Variants in ADAMTS18 observed in about 807,000 individuals in gnomAD.
ADAMTS18 encodes the protein ADAM metallopeptidase with thrombospondin type 1 motif 18, also known as A disintegrin and metalloproteinase with thrombospondin motifs 18.
In ADAMTS18, 157 loss-of-function variants were observed where a neutral mutation model predicts 165.9. The ratio of observed to expected loss-of-function variants is 0.95; its 90% CI spans 0.83 to 1.08. ADAMTS18 has a LOEUF of 1.08. ADAMTS18 is among the 50% of genes least tolerant of loss of function. The probability of loss-of-function intolerance (pLI) is 0.00; values close to 1 mark genes in which losing one functional copy is unlikely to be tolerated. For missense variants in ADAMTS18, 2,040 were observed against 1,534.0 expected (o/e 1.33, Z -5.51); for synonymous variants, 782 against 578.2 (o/e 1.35, Z -5.06).
intron 3 of ADAMTS18, among the ~76,000 whole-genome samples, chr16:77,420,751 T>G (rs2057591404): frequency 6.6e-6 from 1 of 152,088 alleles, no homozygotes. Context: ...TTTCCCATTA[T>G]GTCTCTTCAC....
At chr16:77,407,808 T>C (rs904490529) in intron 3 of ADAMTS18, among the ~76,000 whole-genome samples, 8 of 151,988 alleles carry the variant, frequency 5.3e-5, no homozygotes, top group African/African-American at 1.9e-4. Context: ...ATAAACTAAA[T>C]GTAAAGGCAA....
chr16:77,350,663 T>C (rs1313921552), intron 10 of ADAMTS18, among the ~76,000 whole-genome samples: 1 of 152,140 alleles, frequency 6.6e-6, no homozygotes, highest in Non-Finnish European at 1.5e-5. Context: ...CGTTCAAAAT[T>C]GAAGACTGTC....
chr16:77,433,449 CTGAT>C (rs1287333932), intron 2 of ADAMTS18: 5 of 152,244 alleles, frequency 3.3e-5, no homozygotes, highest in Non-Finnish European at 5.9e-5. Flanking sequence ...AGAGTGATCT[CTGAT>C]TGACCACTTC....
chr16:77,315,083 G>A (rs995999613), intron 16 of ADAMTS18, among the ~76,000 whole-genome samples: 4 of 151,796 alleles, frequency 2.6e-5, no homozygotes, highest in Admixed American at 6.6e-5. Context: ...TTCTTCCTTA[G>A]TAAATATTTA....
chr16:77,289,263 C>T lies in ADAMTS18; in HGVS notation c.3550+1G>A, dbSNP rs1315938083. On this transcript the variant is annotated splice_donor_variant, in intron 22 of 22. Coordinates refer to ENST00000282849, the MANE Select transcript of ADAMTS18 (RefSeq NM_199355.4). LOFTEE classifies it high-confidence loss of function. ...TTGACTGGAGCATGGTGCCTTTTTA[C>T]CTCTCTTTTCAGGAGCTGGACAGAA... 9.3e-6 allele frequency: 15 copies of T among 1,613,990 alleles called. No homozygotes were observed. Among genetic ancestry groups the T allele is most frequent in the East Asian group, 2.2e-5 (1 of 44,892 alleles).
chr16:77,314,753 C>CTTATATATATATATATATATATATAT lies in ADAMTS18; in HGVS notation c.2532+5095_2532+5096insATATATATATATATATATATATATAA, dbSNP rs1555511655. On this transcript the variant is annotated intron_variant, in intron 16 of 22. Transcript: ENST00000282849. ...GTTTGCTAAATATGGTCTCAGGTTTCATATATATATATATATATATATATA... is the reference window on the plus strand; with the variant it reads ...GTTTGCTAAATATGGTCTCAGGTTTCTTATATATATATATATATATATATATATATATATATATATATATATATATA... Among the ~76,000 whole-genome samples, 357 of 36,802 alleles carry CTTATATATATATATATATATATATAT rather than the reference C, an allele frequency of 9.7e-3. 79 individuals are homozygous for CTTATATATATATATATATATATATAT. The highest frequency in any genetic ancestry group is 0.012 in the Non-Finnish European group (223 of 18,486). 24.1% of individuals were successfully genotyped at this position (36,802 alleles called of 152,430 possible).
intron 3 of ADAMTS18, among the ~76,000 whole-genome samples, chr16:77,429,777 T>G (rs987690768): frequency 2.0e-5 from 3 of 152,194 alleles, no homozygotes; most frequent in African/African-American, 7.2e-5. Flanking sequence ...TAAATTTTGC[T>G]GAAAATAGAA....
intron 3 of ADAMTS18, among the ~76,000 whole-genome samples, chr16:77,371,458 G>T (rs530029517): frequency 6.6e-5 from 10 of 152,052 alleles, no homozygotes; most frequent in African/African-American, 2.4e-4. Context: ...GAACAGAAGA[G>T]AACCCTGAAA....
chr16:77,355,928 A>C lies in ADAMTS18; in HGVS notation c.1460+12T>G, dbSNP rs1174392636. 6.2e-7 allele frequency: 1 copy of C among 1,613,820 alleles called. No individual in the cohort carries two copies. The highest frequency in any genetic ancestry group is 2.2e-5 in the East Asian group (1 of 44,882). ...CAAACCTAGGAGCACCCCAGGATTT[A>C]ACCTGTCATACCTGAGGAATTTCTT... On this transcript the variant is annotated intron_variant, in intron 9 of 22. Transcript: ENST00000282849.
At chr16:77,289,589 T>C in intron 21 of ADAMTS18, 178 bp from the exon 22 acceptor site, 1 of 718,182 alleles carries the variant, frequency 1.4e-6, no homozygotes, top group Admixed American at 2.4e-5. Flanking sequence ...TGTGATCCCT[T>C]TGATCTGATT....
chr16:77,409,656 G>A (rs888624107), intron 3 of ADAMTS18, among the ~76,000 whole-genome samples: 4 of 152,084 alleles, frequency 2.6e-5, no homozygotes, highest in African/African-American at 9.7e-5. Flanking sequence ...GGCATTTATG[G>A]TGAACCACTC....
At chr16:77,341,651 T>A in intron 11 of ADAMTS18, 53 bp downstream of exon 11, 8 of 1,427,772 alleles carry the variant, frequency 5.6e-6, no homozygotes, top group Non-Finnish European at 7.9e-6. Context: ...ACAGTTTGAA[T>A]TCTATGCCTT....
chr16:77,418,079 A>G (rs1278875139), intron 3 of ADAMTS18, among the ~76,000 whole-genome samples: 1 of 152,186 alleles, frequency 6.6e-6, no homozygotes, highest in Admixed American at 6.5e-5. Flanking sequence ...TTAGAGATCC[A>G]GTCATTTTCA....
chr16:77,403,246 A>T (rs1298709301), intron 3 of ADAMTS18, among the ~76,000 whole-genome samples: 1 of 152,236 alleles, frequency 6.6e-6, no homozygotes, highest in African/African-American at 2.4e-5. Context: ...TAGTCCAGAA[A>T]GAATTTTTTT....
chr16:77,372,414 G>C (rs767459276), intron 3 of ADAMTS18, among the ~76,000 whole-genome samples: 1 of 152,178 alleles, frequency 6.6e-6, no homozygotes, highest in Non-Finnish European at 1.5e-5. Context: ...ATACACAATG[G>C]AATACTATCC....
At chr16:77,344,524 G>A (rs919521352) in intron 10 of ADAMTS18, among the ~76,000 whole-genome samples, 1 of 152,080 alleles carries the variant, frequency 6.6e-6, no homozygotes, top group Non-Finnish European at 1.5e-5. Context: ...AGATAGCACT[G>A]AAATGATTAA....
intron 8 of ADAMTS18, among the ~76,000 whole-genome samples, chr16:77,356,295 C>T (rs1263631259): frequency 1.3e-5 from 2 of 152,056 alleles, no homozygotes; most frequent in African/African-American, 4.8e-5. Flanking sequence ...ATTTCCTGAC[C>T]ACAGAATCAA....
Position 77,425,411 on chromosome 16 carries a change from G to C in ADAMTS18, c.495+5884C>G, listed in dbSNP as rs148897687. Among the ~76,000 whole-genome samples, 1,240 of 152,246 alleles carry C rather than the reference G, an allele frequency of 8.1e-3. 14 individuals carry two copies. Among genetic ancestry groups the C allele is most frequent in the African/African-American group, 0.029 (1,192 of 41,526 alleles). ...CAGTGCTAAGGCTGGATGGTAATCA[G>C]ACACCGGGCAGAAGATCCAAGAGAA... On this transcript the variant is annotated intron_variant, in intron 3 of 22. Coordinates refer to ENST00000282849, the MANE Select transcript of ADAMTS18 (RefSeq NM_199355.4).
intron 10 of ADAMTS18, among the ~76,000 whole-genome samples, chr16:77,345,450 A>G (rs901799519): frequency 6.6e-6 from 1 of 152,154 alleles, no homozygotes; most frequent in Non-Finnish European, 1.5e-5. Flanking sequence ...TGCCTTCAAA[A>G]TATTTCCAGA....
Sources: allele counts gnomAD v4.1 joint callset (sites outside exome capture counted in the v4.1 genomes callset), GRCh38; gene constraint gnomAD v4.1.1; transcripts MANE v1.5; gene names NCBI Gene and HGNC (gene_info 2026-07-23, HGNC 2026-07-21).